Variants in UNC79 observed in about 807,000 individuals in gnomAD.
The protein encoded by UNC79 is unc-79 subunit of NALCN channel complex.
A neutral mutation model predicts 283.1 loss-of-function variants in UNC79; 37 were observed. The ratio of observed to expected loss-of-function variants is 0.13; its 90% CI spans 0.10 to 0.17. The LOEUF (loss-of-function observed/expected upper bound fraction) is 0.17, where lower values mean the gene tolerates loss of function less well. Ranked by LOEUF, UNC79 falls within the 10% of genes least tolerant of loss-of-function variation. UNC79 has a pLI of 1.00. For missense variants in UNC79, 2,272 were observed against 3,211.1 expected, an observed-to-expected ratio of 0.71 and a Z score of 7.07; for synonymous variants, 1,107 against 1,200.2, an observed-to-expected ratio of 0.92 and a Z score of 1.61.
chr14:93,487,188 C>G (rs2058486329), intron 4 of UNC79, among the ~76,000 whole-genome samples: 1 of 152,080 alleles, frequency 6.6e-6, no homozygotes, highest in Admixed American at 6.5e-5. Context: ...TGTATTGTAA[C>G]TAAATTAATG....
At chr14:93,369,317 C>T (rs1466592602) in intron 1 of UNC79, among the ~76,000 whole-genome samples, 1 of 152,230 alleles carries the variant, frequency 6.6e-6, no homozygotes. Flanking sequence ...TGCCTAAAAA[C>T]ATTTTTACAA....
chr14:93,557,454 C>G lies in UNC79; in HGVS notation c.1756-14440C>G, dbSNP rs577928842. Among the ~76,000 whole-genome samples, 11 of 152,272 alleles carry G rather than the reference C, an allele frequency of 7.2e-5. No homozygotes were observed. In the South Asian group the frequency reaches 1.0e-3, roughly 14 times the overall value. ...CTCTCCTAGGCTCCTGCTTCCCTAA[C>G]AAATCCAATAAGCCTTAATGAAGGT... On this transcript the variant is annotated intron_variant, in intron 14 of 48. Transcript: ENST00000555664.
intron 13 of UNC79, 43 bp downstream of exon 13, chr14:93,540,874 A>C: frequency 3.7e-6 from 6 of 1,606,400 alleles, no homozygotes; most frequent in Non-Finnish European, 5.1e-6. Flanking sequence ...CTTATTTCTC[A>C]TTTCAAAATT....
At chr14:93,424,592 G>A (rs551755573) in intron 1 of UNC79, among the ~76,000 whole-genome samples, 27 of 152,270 alleles carry the variant, frequency 1.8e-4, no homozygotes, top group African/African-American at 6.0e-4. Flanking sequence ...ATTATGCTAA[G>A]TGAAATAGCC....
intron 4 of UNC79, 131 bp from the exon 5 acceptor site, chr14:93,487,532 G>C: frequency 1.5e-6 from 1 of 651,550 alleles, no homozygotes; most frequent in Non-Finnish European, 2.5e-6. Context: ...TTTCATTTGT[G>C]CAAAACTTCC....
chr14:93,588,471 T>C (rs949525985), intron 22 of UNC79, among the ~76,000 whole-genome samples: 1 of 152,136 alleles, frequency 6.6e-6, no homozygotes, highest in Non-Finnish European at 1.5e-5. Flanking sequence ...CCAGGTGCGA[T>C]GGCTCATACC....
intron 1 of UNC79, among the ~76,000 whole-genome samples, chr14:93,366,291 A>T (rs992187865): frequency 1.4e-4 from 21 of 152,200 alleles, no homozygotes; most frequent in African/African-American, 4.3e-4. Flanking sequence ...CTAACTAAGG[A>T]TATAAATGTT....
At chr14:93,654,885 G>GA (rs1219955316) in intron 37 of UNC79, among the ~76,000 whole-genome samples, 1 of 152,150 alleles carries the variant, frequency 6.6e-6, no homozygotes, top group African/African-American at 2.4e-5. Flanking sequence ...CTCACTGCTA[G>GA]AAAAAAAGCT....
chr14:93,418,512 C>A (rs1239934184), intron 1 of UNC79, among the ~76,000 whole-genome samples: 3 of 151,798 alleles, frequency 2.0e-5, no homozygotes, highest in African/African-American at 7.2e-5. Context: ...GTTCTCAGAT[C>A]TCCAGCTGCA....
intron 1 of UNC79, among the ~76,000 whole-genome samples, chr14:93,442,722 A>G (rs1285907252): frequency 6.6e-6 from 1 of 152,182 alleles, no homozygotes; most frequent in African/African-American, 2.4e-5. Flanking sequence ...AAATTCACCA[A>G]TTTGCAAAGC....
intron 1 of UNC79, among the ~76,000 whole-genome samples, chr14:93,370,284 G>A (rs531714414): frequency 6.6e-6 from 1 of 152,316 alleles, no homozygotes; most frequent in African/African-American, 2.4e-5. Context: ...ATGATTAATT[G>A]CAAAGGACTC....
chr14:93,501,344 A>T (rs545223752), intron 7 of UNC79, among the ~76,000 whole-genome samples: 44 of 147,492 alleles, frequency 3.0e-4, no homozygotes, highest in South Asian at 6.5e-4. Context: ...AAATAAATTA[A>T]AAAAAAAAGC....
At chr14:93,399,669 T>C (rs959396514) in intron 1 of UNC79, among the ~76,000 whole-genome samples, 1 of 152,174 alleles carries the variant, frequency 6.6e-6, no homozygotes, top group African/African-American at 2.4e-5. Context: ...ATAATCCAAT[T>C]TGATAGATAC....
chr14:93,706,211 T>C (rs2075869486), intron 48 of UNC79, among the ~76,000 whole-genome samples: 1 of 152,174 alleles, frequency 6.6e-6, no homozygotes, highest in African/African-American at 2.4e-5. Flanking sequence ...TGAGCACTTT[T>C]TTAACCCATT....
chr14:93,345,408 A>T (rs533272488), intron 1 of UNC79, among the ~76,000 whole-genome samples: 43 of 151,834 alleles, frequency 2.8e-4, no homozygotes, highest in Non-Finnish European at 5.6e-4. Context: ...TGGCAAGTTC[A>T]AAATAAATAA....
intron 48 of UNC79, among the ~76,000 whole-genome samples, chr14:93,706,077 C>T (rs373172622): frequency 1.5e-4 from 23 of 152,302 alleles, no homozygotes; most frequent in African/African-American, 5.3e-4. Flanking sequence ...TACCCTTTCC[C>T]GGCTTTATGG....
intron 24 of UNC79, among the ~76,000 whole-genome samples, chr14:93,600,368 A>G (rs1465727610): frequency 6.6e-6 from 1 of 152,228 alleles, no homozygotes; most frequent in Non-Finnish European, 1.5e-5. Context: ...TACAAGGAAG[A>G]TAAATTCCTC....
At chr14:93,613,832 A>G (rs936032349) in intron 27 of UNC79, among the ~76,000 whole-genome samples, 1 of 152,146 alleles carries the variant, frequency 6.6e-6, no homozygotes, top group South Asian at 2.1e-4. Context: ...ATTAATTTCA[A>G]TTGTATCTTA....
chr14:93,630,249 T>A (rs143897940), intron 30 of UNC79, among the ~76,000 whole-genome samples: 1 of 152,322 alleles, frequency 6.6e-6, no homozygotes, highest in East Asian at 1.9e-4. Flanking sequence ...TAGATTATAG[T>A]GTGGTAAGTC....
Sources: gnomAD v4.1 joint callset for allele counts (sites outside exome capture counted in the v4.1 genomes callset) on GRCh38, gnomAD v4.1.1 for gene constraint, MANE v1.5 for transcripts, NCBI Gene and HGNC (gene_info 2026-07-23, HGNC 2026-07-21) for gene names.